The following SSPN variants were observed in gnomAD, a reference collection of about 807,000 sequenced individuals.
The protein encoded by SSPN is sarcospan, also known as K-ras oncogene-associated protein.
Under a neutral mutation model 19.1 loss-of-function variants are expected in SSPN, and 15 were observed. That is an observed-to-expected ratio of 0.78 (90% CI 0.52 to 1.21). The LOEUF (loss-of-function observed/expected upper bound fraction) is 1.21, where lower values mean the gene tolerates loss of function less well. SSPN is among the 50% of genes most tolerant of loss of function. The probability of loss-of-function intolerance (pLI) is 0.00; values close to 1 mark genes in which losing one functional copy is unlikely to be tolerated. For synonymous variants in SSPN, 147 were observed against 140.3 expected (o/e 1.05, Z -0.34); for missense variants, 291 against 314.0 (o/e 0.93, Z 0.55).
rs527990442 is a variant in SSPN at position 26,181,231 on chromosome 12, G to C, written c.-30-43062G>C. 2.7e-5 allele frequency: 4 copies of C among 150,748 alleles called. No homozygotes were observed. The South Asian group carries it at 8.4e-4, about 32-fold the overall frequency. The allele number at this position is 150,748 out of a possible 1,614,324, so 9.3% of individuals were successfully genotyped here. On this transcript the variant is annotated intron_variant, in intron 1 of 2. Coordinates refer to the SSPN transcript ENST00000538142. ...TAAAGTTTACTACTCATTTTTTTTT[G>C]TTCAAAGAAGCTGTTCTGAATAAAG...
At chr12:26,143,002 C>G (rs879825681) in intron 1 of SSPN, among the ~76,000 whole-genome samples, 4 of 152,150 alleles carry the variant, frequency 2.6e-5, no homozygotes, top group African/African-American at 9.7e-5. Context: ...ATTTTTTACA[C>G]TGGTCTAATT....
chr12:26,194,499 C>A (rs1343195375), upstream of SSPN, among the ~76,000 whole-genome samples: 8 of 152,198 alleles, frequency 5.3e-5, no homozygotes, highest in Admixed American at 4.6e-4. Flanking sequence ...GATTCTCCTG[C>A]CTCAGCCTCC....
intron 1 of SSPN, among the ~76,000 whole-genome samples, chr12:26,155,215 T>C (rs1053053126): frequency 7.2e-5 from 11 of 152,186 alleles, no homozygotes; most frequent in African/African-American, 2.7e-4. Flanking sequence ...TCTTCTTAAA[T>C]TGGGTAAATG....
At chr12:26,225,913 G>T (rs776045227) in intron 2 of SSPN, among the ~76,000 whole-genome samples, 1 of 151,308 alleles carries the variant, frequency 6.6e-6, no homozygotes, top group Non-Finnish European at 1.5e-5. Flanking sequence ...AGAGTCAAAA[G>T]CATCAGCTTA....
intron 1 of SSPN, among the ~76,000 whole-genome samples, chr12:26,143,127 G>GC (rs1425291233): frequency 1.3e-5 from 2 of 152,082 alleles, no homozygotes; most frequent in African/African-American, 4.8e-5. Flanking sequence ...AATTAATATG[G>GC]CCACTGAATA....
rs767746912 is a variant in SSPN, at chr12:26,122,504, G to A, written c.-31+352G>A. The A allele has an allele frequency of 1.3e-5, 17 of 1,313,122 alleles. No individual in the cohort carries two copies. In the Admixed American group the frequency reaches 3.4e-4, roughly 26 times the overall value. 81.3% of individuals were successfully genotyped at this position (1,313,122 alleles called of 1,614,324 possible). A position where few individuals can be genotyped will look rare whatever the true frequency, so the allele number is the denominator to read the frequency against. ...GGGCCGCGGCGGCCGCGGGCTGCGG[G>A]AAGGGCGCGCCTCCGCCTCCGCCGA... is the stretch of plus-strand genomic sequence containing the variant. On this transcript the variant is annotated intron_variant, in intron 1 of 2. Coordinates refer to the SSPN transcript ENST00000538142.
At chr12:26,164,384 A>G (rs1944608279) in intron 1 of SSPN, among the ~76,000 whole-genome samples, 1 of 152,210 alleles carries the variant, frequency 6.6e-6, no homozygotes, top group South Asian at 2.1e-4. Flanking sequence ...TGGGTCTGAC[A>G]CAGAATGACT....
At chr12:26,146,891 G>A (rs145700608) in intron 1 of SSPN, among the ~76,000 whole-genome samples, 3,025 of 149,848 alleles carry the variant, frequency 0.02, 55 homozygotes, top group South Asian at 0.036. Flanking sequence ...AGATTTGATT[G>A]ATTCAACCAA....
At position 26,187,108 on chromosome 12, in the gene SSPN, C is replaced by T. The variant is rs184342002; in HGVS notation, c.-30-37185C>T. ...AGGTCTGCACCCTTCACCCCAGAAT[C>T]CTTGTCTCATGCCTAGTGGAAGGGT... is the stretch of plus-strand genomic sequence containing the variant. On this transcript the variant is annotated intron_variant, in intron 1 of 2. Coordinates refer to the SSPN transcript ENST00000538142. 4.6e-5 allele frequency among the ~76,000 whole-genome samples: 7 copies of T among 152,368 alleles called. No homozygotes were observed. In the East Asian group the frequency reaches 1.4e-3, roughly 29 times the overall value.
intron 2 of SSPN, among the ~76,000 whole-genome samples, chr12:26,228,990 T>A (rs190982571): frequency 7.2e-4 from 109 of 152,038 alleles, no homozygotes; most frequent in African/African-American, 1.5e-3. Context: ...TTAAAAAAAA[T>A]TTTTTTTATG....
rs755397203 is a variant in SSPN, at chr12:26,195,822, C to G, written c.150C>G (p.Cys50Trp). The G allele has an allele frequency of 1.0e-5, 16 of 1,536,722 alleles. No individual in the cohort carries two copies. Among genetic ancestry groups the G allele is most frequent in the Non-Finnish European group, 1.3e-5 (15 of 1,144,842 alleles). The change falls in exon 1 of 3, where the codon TGC (cysteine) becomes TGG (tryptophan). Residue 50 changes from cysteine (C) to tryptophan (W), a missense_variant. By Grantham distance (215) the Cys-to-Trp change is radical (BLOSUM62 -2). Transcript: ENST00000242729. ...AGGAGCCCCGGACCTGCTGCGGCTG[C>G]CGGTTCCCGCTGCTGCTCGCCCTGC... ...GEEEPRTCCGCRFPLLLALLQ... is the reference protein window; with the variant it reads ...GEEEPRTCCGWRFPLLLALLQ...
chr12:26,125,127 G>GAGGA, intron 1 of SSPN: 1 of 386,644 alleles, frequency 2.6e-6, no homozygotes, highest in Admixed American at 3.9e-5. Flanking sequence ...GGGGGCGGGG[G>GAGGA]AGGAGGGGCC....
At position 26,123,029 on chromosome 12, in the gene SSPN, C is replaced by G. The variant is rs1405753543; in HGVS notation, c.-31+877C>G. 1.9e-6 allele frequency: 3 copies of G among 1,574,082 alleles called. No homozygotes were observed. The Admixed American group carries it at 5.5e-5, about 29-fold the overall frequency. On this transcript the variant is annotated intron_variant, in intron 1 of 2. Transcript: ENST00000538142. ...TGGCCACGGCGTGCAAGTGGTTGAT[C>G]AGCTGGACACACCGCGGCTCCCTGG... is the stretch of plus-strand genomic sequence containing the variant.
chr12:26,212,413 T>G (rs1215975249), intron 1 of SSPN, among the ~76,000 whole-genome samples: 1 of 152,194 alleles, frequency 6.6e-6, no homozygotes, highest in Non-Finnish European at 1.5e-5. Context: ...AATTGACTTT[T>G]CCCTGAGAAA....
At chr12:26,136,146 T>C (rs894081685) in intron 1 of SSPN, among the ~76,000 whole-genome samples, 3 of 152,238 alleles carry the variant, frequency 2.0e-5, no homozygotes, top group Admixed American at 6.5e-5. Context: ...TACATTGTAT[T>C]AGGTGTCATA....
intron 1 of SSPN, among the ~76,000 whole-genome samples, chr12:26,159,549 C>T (rs529206657): frequency 3.0e-4 from 46 of 152,332 alleles, no homozygotes; most frequent in Non-Finnish European, 4.4e-5. Flanking sequence ...ATCACTGATT[C>T]TGTCTTTCTG....
intron 1 of SSPN, chr12:26,124,253 G>GACC: frequency 1.3e-6 from 1 of 785,904 alleles, no homozygotes; most frequent in Non-Finnish European, 2.1e-6. Flanking sequence ...ACCCTCGTCT[G>GACC]CCCCCCCCGC....
chr12:26,201,679 G>A (rs1225313954), intron 1 of SSPN, among the ~76,000 whole-genome samples: 1 of 152,002 alleles, frequency 6.6e-6, no homozygotes, highest in Non-Finnish European at 1.5e-5. Flanking sequence ...ATTCAACTCA[G>A]AAAGTTAGTC....
At chr12:26,219,747 A>T (rs1945098920) in intron 1 of SSPN, among the ~76,000 whole-genome samples, 1 of 152,224 alleles carries the variant, frequency 6.6e-6, no homozygotes, top group Non-Finnish European at 1.5e-5. Context: ...ACATTGACTA[A>T]ATCTTAACAA....
Sources: allele counts gnomAD v4.1 joint callset (sites outside exome capture counted in the v4.1 genomes callset), GRCh38; gene constraint gnomAD v4.1.1; transcripts MANE v1.5; gene names NCBI Gene and HGNC (gene_info 2026-07-23, HGNC 2026-07-21).